Variants in MTERF4 observed in about 807,000 individuals in gnomAD.
MTERF4 encodes transcription termination factor 4, mitochondrial.
MTERF4 carries 17 observed loss-of-function variants against 22.5 expected under a neutral mutation model. That is an observed-to-expected ratio of 0.75 (90% confidence interval 0.52 to 1.13). The LOEUF (loss-of-function observed/expected upper bound fraction) is 1.13. MTERF4 is among the 50% of genes most tolerant of loss of function. The pLI is 0.00. For synonymous variants in MTERF4, 165 were observed against 175.3 expected (o/e 0.94, Z 0.47); for missense variants, 420 against 466.8 (o/e 0.90, Z 0.92).
downstream of MTERF4, among the ~76,000 whole-genome samples, chr2:241,086,621 A>G (rs993701564): frequency 7.9e-5 from 12 of 152,294 alleles, no homozygotes; most frequent in Non-Finnish European, 1.5e-4. Context: ...GGTTGTTCAC[A>G]TTGGGAGGTT....
chr2:241,043,070 G>A, the MTERF4 span, among the ~76,000 whole-genome samples: 1 of 152,242 alleles, frequency 6.6e-6, no homozygotes, highest in Non-Finnish European at 1.5e-5. Flanking sequence ...CGTATTTGGA[G>A]TCTGCGAAGG....
the MTERF4 span, chr2:241,063,663 GT>G: frequency 1.9e-6 from 3 of 1,612,178 alleles, no homozygotes; most frequent in African/African-American, 1.3e-5. Flanking sequence ...ATGTCTGCCG[GT>G]GCCCTGCAGG....
chr2:241,088,286 C>A, downstream of MTERF4: 1 of 989,806 alleles, frequency 1.0e-6, no homozygotes, highest in Non-Finnish European at 1.6e-6. Flanking sequence ...TCTCAGCAGG[C>A]AGCCTGGACT....
the MTERF4 span, chr2:241,064,009 C>T: frequency 6.4e-7 from 1 of 1,550,808 alleles, no homozygotes; most frequent in South Asian, 1.2e-5. The surrounding 1 kb of genome is among the most constrained non-coding windows in gnomAD (Gnocchi z 7.0). Context: ...GGGTGTTCTC[C>T]AGAGGTGGAC....
the MTERF4 span, among the ~76,000 whole-genome samples, chr2:241,066,919 C>T: frequency 5.5e-4 from 84 of 152,318 alleles, 1 homozygote; most frequent in African/African-American, 2.0e-3. Flanking sequence ...GGCTGGAGTT[C>T]CCAACACAGC....
downstream of MTERF4, chr2:241,067,787 G>C (rs376137908): frequency 9.9e-6 from 16 of 1,610,680 alleles, no homozygotes; most frequent in Non-Finnish European, 1.2e-5. Context: ...GGAAGGCTTC[G>C]AGGTCACCAA....
the MTERF4 span, chr2:241,050,057 C>T: frequency 2.7e-6 from 2 of 753,078 alleles, no homozygotes; most frequent in Admixed American, 2.0e-5. Flanking sequence ...TAGAGCCTTG[C>T]CTGATGTGCT....
At chr2:241,071,944 G>A (rs1430888774), downstream of MTERF4, 3 of 1,305,112 alleles carry the variant, frequency 2.3e-6, no homozygotes, top group Non-Finnish European at 3.3e-6. Flanking sequence ...ACTCTCACCA[G>A]GTCCTGTCCC....
At chr2:241,051,829 C>T in the MTERF4 span, 4 of 1,561,660 alleles carry the variant, frequency 2.6e-6, no homozygotes, top group African/African-American at 2.7e-5. This position sits in a 1 kb window ranked among gnomAD's most constrained non-coding sequence, Gnocchi z 4.7. Flanking sequence ...GCAGCTGCCC[C>T]TACCGCTTCA....
downstream of MTERF4, among the ~76,000 whole-genome samples, chr2:241,082,659 AT>A (rs1289214015): frequency 6.6e-6 from 1 of 152,180 alleles, no homozygotes; most frequent in African/African-American, 2.4e-5. Context: ...TCCCCACTGG[AT>A]GGCAGAGCCA....
At chr2:241,048,865 G>C in the MTERF4 span, 3 of 1,221,508 alleles carry the variant, frequency 2.5e-6, no homozygotes, top group Admixed American at 2.0e-5. Flanking sequence ...CCAGACTGTC[G>C]ACCATTGGTT....
chr2:241,099,213 T>TA (rs1341500770), intron 2 of MTERF4, 183 bp downstream of exon 2: 1 of 630,524 alleles, frequency 1.6e-6, no homozygotes, highest in African/African-American at 1.8e-5. Context: ...TAGCTGGAAT[T>TA]ACAGGTGCGT....
chr2:241,090,902 C>A (rs1049505245), downstream of MTERF4, among the ~76,000 whole-genome samples: 1 of 151,682 alleles, frequency 6.6e-6, no homozygotes, highest in African/African-American at 2.4e-5. Flanking sequence ...GAATTCTGTA[C>A]GATGGCTATG....
rs1402730996 is a variant in MTERF4, at chr2:241,097,319, T to C, written c.629A>G (p.Gln210Arg). The C allele has an allele frequency of 6.2e-7, 1 of 1,614,250 alleles. No homozygotes were observed. Among genetic ancestry groups the C allele is most frequent in the Non-Finnish European group, 8.5e-7 (1 of 1,180,044 alleles). The change falls in exon 3 of 4, where the codon CAG becomes CGG. Residue 210 changes from glutamine to arginine, a missense_variant. Gln to Arg is a conservative substitution (Grantham distance 43). Coordinates refer to ENST00000391980, the MANE Select transcript of MTERF4 (RefSeq NM_182501.4). ...ACTGTGCAAAATCTTGGTGACTTGC[T>C]GTACCGTGAAAAGGCACTTCTCCTT... The part of the protein sequence containing the change: ...LLKEKCLFTV[Q>R]QVTKILHSCP...
At chr2:241,063,501 G>T in the MTERF4 span, 1 of 869,024 alleles carries the variant, frequency 1.2e-6, no homozygotes, top group Non-Finnish European at 1.9e-6. Flanking sequence ...GGTAACTGAA[G>T]CCCCAGGAAA....
At chr2:241,098,808 T>C (rs1289280972) in intron 2 of MTERF4, among the ~76,000 whole-genome samples, 1 of 152,286 alleles carries the variant, frequency 6.6e-6, no homozygotes, top group Admixed American at 6.5e-5. Context: ...ACACATACCA[T>C]ATGCCCACCA....
At chr2:241,071,767 C>A, downstream of MTERF4, 1 of 1,566,660 alleles carries the variant, frequency 6.4e-7, no homozygotes, top group Non-Finnish European at 8.7e-7. Context: ...GGCGCTCGGA[C>A]TGTGGTGACC....
At chr2:241,062,650 A>G in the MTERF4 span, 2 of 702,506 alleles carry the variant, frequency 2.8e-6, no homozygotes. Context: ...CTCCAAGGAT[A>G]TCCAGCCCTG....
chr2:241,072,768 C>G (rs1011367179), exon 5 of MTERF4: 7 of 188,766 alleles, frequency 3.7e-5, no homozygotes, highest in African/African-American at 1.7e-4. Context: ...GTTGTACTTG[C>G]AGCTATGGAA....
Sources: allele counts gnomAD v4.1 joint callset (sites outside exome capture counted in the v4.1 genomes callset), GRCh38; gene constraint gnomAD v4.1.1; non-coding constraint Gnocchi (gnomAD v3.1); transcripts MANE v1.5; gene names NCBI Gene and HGNC (gene_info 2026-07-23, HGNC 2026-07-21).